The following EPG5 variants were observed in gnomAD, a reference collection of about 807,000 sequenced individuals.
EPG5 encodes the protein ectopic P-granules 5 autophagy tethering factor, also known as ectopic P granules protein 5 homolog.
A neutral mutation model predicts 302.7 loss-of-function variants in EPG5; 159 were observed. That is an observed-to-expected ratio of 0.53 (90% CI 0.46 to 0.60). The LOEUF (loss-of-function observed/expected upper bound fraction) is 0.60. Ranked by LOEUF, EPG5 falls within the 20% of genes least tolerant of loss-of-function variation. The pLI is 0.00. For synonymous variants in EPG5, 1,158 were observed against 1,136.8 expected (o/e 1.02, Z -0.37); for missense variants, 2,896 against 3,092.4 (o/e 0.94, Z 1.51).
intron 20 of EPG5, among the ~76,000 whole-genome samples, chr18:45,914,947 G>A (rs1263266479): frequency 7.0e-6 from 1 of 142,420 alleles, no homozygotes; most frequent in Non-Finnish European, 1.5e-5. Flanking sequence ...GTGAGGCCCT[G>A]TATCCAAAAA....
At chr18:45,910,979 G>A (rs1220060590) in intron 22 of EPG5, among the ~76,000 whole-genome samples, 1 of 151,888 alleles carries the variant, frequency 6.6e-6, no homozygotes, top group Non-Finnish European at 1.5e-5. Flanking sequence ...ACTACTTAGA[G>A]GTACAGCATA....
intron 1 of EPG5, among the ~76,000 whole-genome samples, chr18:45,966,197 C>A (rs574041804): frequency 2.0e-5 from 3 of 151,498 alleles, no homozygotes; most frequent in Non-Finnish European, 2.9e-5. Flanking sequence ...ACGGTGAAAC[C>A]CCGTCTCTAC....
chr18:45,838,992 C>G, the EPG5 span: 1 of 1,598,142 alleles, frequency 6.3e-7, no homozygotes, highest in Non-Finnish European at 8.5e-7. Flanking sequence ...GCTTCCATGG[C>G]GCCAGCGGGG....
At chr18:45,838,042 C>T in the EPG5 span, 4 of 1,108,236 alleles carry the variant, frequency 3.6e-6, no homozygotes, top group East Asian at 6.4e-5. Flanking sequence ...GGATCTCACA[C>T]CTGGGGGTAG....
At chr18:45,915,388 T>C (rs954964546) in intron 20 of EPG5, 123 bp downstream of exon 20, 6 of 695,842 alleles carry the variant, frequency 8.6e-6, no homozygotes, top group South Asian at 1.9e-5. Context: ...TGAAAAAGTA[T>C]ACTTACACTA....
At chr18:45,828,838 A>G in the EPG5 span, among the ~76,000 whole-genome samples, 2 of 152,204 alleles carry the variant, frequency 1.3e-5, no homozygotes, top group African/African-American at 4.8e-5. Flanking sequence ...CAAGACAAAT[A>G]GCAGCGGTCA....
In EPG5 at chr18:45,865,765, CAAAA is replaced by C. The variant is rs11333207; in HGVS notation, c.6622-10_6622-7del. On this transcript the variant is annotated splice_region_variant and splice_polypyrimidine_tract_variant and intron_variant, in intron 38 of 43. Coordinates refer to ENST00000282041, the MANE Select transcript of EPG5 (RefSeq NM_020964.3). ...TGGCATTTTGGAACTGCATCCTGAC[CAAAA>C]AAAAAAAAAAAAATCATTCAAATGA... 301 of 1,407,098 alleles carry C rather than the reference CAAAA, an allele frequency of 2.1e-4. No individual in the cohort carries two copies. Among genetic ancestry groups the C allele is most frequent in the Middle Eastern group, 6.9e-4 (3 of 4,378 alleles). The allele number at this position is 1,407,098 out of a possible 1,614,324, so 87.2% of individuals were successfully genotyped here.
At chr18:45,842,466 C>T in the EPG5 span, 20 of 386,558 alleles carry the variant, frequency 5.2e-5, no homozygotes, top group African/African-American at 1.6e-4. Flanking sequence ...AGAGAGTACA[C>T]GCATTAGCTT....
At chr18:45,897,435 T>C (rs1055397518) in intron 27 of EPG5, among the ~76,000 whole-genome samples, 27 of 151,796 alleles carry the variant, frequency 1.8e-4, no homozygotes, top group African/African-American at 6.3e-4. Flanking sequence ...ACCGGATACA[T>C]TTTCAGTTTT....
rs1219396841 is a variant in EPG5 at position 45,910,693 on chromosome 18, G to T, written c.4033C>A (p.His1345Asn). The change falls in exon 23 of 44, where the codon CAT (histidine) becomes AAT (asparagine). Residue 1345 changes from histidine (H) to asparagine (N), a missense_variant. His to Asn is a moderately conservative substitution (Grantham distance 68). Coordinates refer to ENST00000282041, the MANE Select transcript of EPG5 (RefSeq NM_020964.3). ...TTCATTTCTTTCAACAAATTGATAT[G>T]AGCAGGACTTTGAAAAAACCTTCTT... ...IGRRFFQSPA[H>N]INLLKEMKRR... The T allele has an allele frequency of 1.2e-6, 2 of 1,613,992 alleles. No individual in the cohort carries two copies. Among genetic ancestry groups the T allele is most frequent in the African/African-American group, 2.7e-5 (2 of 74,908 alleles).
the EPG5 span, chr18:45,837,139 T>C: frequency 6.2e-7 from 1 of 1,606,202 alleles, no homozygotes; most frequent in Non-Finnish European, 8.5e-7. Flanking sequence ...GAGTCTGTTT[T>C]AACCACGAGA....
chr18:45,893,737 A>G (rs1056602848), intron 27 of EPG5, among the ~76,000 whole-genome samples: 3 of 152,150 alleles, frequency 2.0e-5, no homozygotes, highest in African/African-American at 7.2e-5. Flanking sequence ...GTAAAAATAT[A>G]CAGTAAGCAG....
chr18:45,846,377 C>A (rs1273912267), downstream of EPG5, among the ~76,000 whole-genome samples: 1 of 151,878 alleles, frequency 6.6e-6, no homozygotes, highest in African/African-American at 2.4e-5. Context: ...AAAAACTAGC[C>A]AGGCATGGTG....
intron 39 of EPG5, among the ~76,000 whole-genome samples, chr18:45,865,205 A>G (rs1334055520): frequency 6.6e-6 from 1 of 152,212 alleles, no homozygotes; most frequent in Non-Finnish European, 1.5e-5. Context: ...TCCAGCACCC[A>G]GTTATCTTCA....
the EPG5 span, among the ~76,000 whole-genome samples, chr18:45,833,333 T>G: frequency 6.6e-6 from 1 of 152,156 alleles, no homozygotes; most frequent in Non-Finnish European, 1.5e-5. Context: ...TTATTATTAT[T>G]TGAGGCAGAG....
chr18:45,830,945 A>T, the EPG5 span, among the ~76,000 whole-genome samples: 1 of 152,072 alleles, frequency 6.6e-6, no homozygotes, highest in Non-Finnish European at 1.5e-5. Flanking sequence ...TGTCATTTTT[A>T]TCCAAGTATC....
chr18:45,891,494 G>T (rs1346912755), intron 27 of EPG5, among the ~76,000 whole-genome samples: 4 of 127,558 alleles, frequency 3.1e-5, no homozygotes, highest in Non-Finnish European at 4.7e-5. Context: ...GTGAGACTCC[G>T]TCTCAAAAAA....
chr18:45,838,701 C>G, the EPG5 span: 1 of 1,554,564 alleles, frequency 6.4e-7, no homozygotes, highest in South Asian at 1.2e-5. Flanking sequence ...GACAGTCACC[C>G]GCCTTCTCCC....
chr18:45,888,757 A>C (rs1396537965), intron 28 of EPG5, among the ~76,000 whole-genome samples: 1 of 152,234 alleles, frequency 6.6e-6, no homozygotes, highest in East Asian at 1.9e-4. Context: ...AATACTTAGT[A>C]ATAATTTCAT....
Sources: gnomAD v4.1 joint callset for allele counts (sites outside exome capture counted in the v4.1 genomes callset) on GRCh38, gnomAD v4.1.1 for gene constraint, MANE v1.5 for transcripts, NCBI Gene and HGNC (gene_info 2026-07-23, HGNC 2026-07-21) for gene names.